PLXDC2: variants seen among roughly 807,000 people sequenced by gnomAD.
The protein encoded by PLXDC2 is plexin domain-containing protein 2.
A neutral mutation model predicts 68.9 loss-of-function variants in PLXDC2; 40 were observed. The ratio of observed to expected loss-of-function variants is 0.58; its 90% CI spans 0.45 to 0.76. The LOEUF is 0.76. Among genes scored for constraint, PLXDC2 ranks in the 30% least tolerant of loss-of-function variants. The probability of loss-of-function intolerance (pLI) is 0.00; values close to 1 mark genes in which losing one functional copy is unlikely to be tolerated. For missense variants in PLXDC2, 644 were observed against 661.9 expected, an observed-to-expected ratio of 0.97 and a Z score of 0.30; for synonymous variants, 243 against 234.2, an observed-to-expected ratio of 1.04 and a Z score of -0.34.
At chr10:20,098,045 T>C (rs1315173617) in intron 4 of PLXDC2, among the ~76,000 whole-genome samples, 2 of 151,462 alleles carry the variant, frequency 1.3e-5, no homozygotes, top group African/African-American at 4.8e-5. Flanking sequence ...ATATAAAATA[T>C]TACTCTCCTA....
intron 1 of PLXDC2, among the ~76,000 whole-genome samples, chr10:19,892,947 T>A (rs1477053468): frequency 1.3e-5 from 2 of 151,700 alleles, no homozygotes; most frequent in African/African-American, 4.9e-5. Flanking sequence ...TTGCCACTGT[T>A]ACAATTTGCC....
chr10:20,262,500 CCA>C lies in PLXDC2; in HGVS notation c.1473+16996_1473+16997del, dbSNP rs543566537. Reference sequence around the variant, plus strand: ...GTATATACCTCCCTCCAGGCAGCCTCCAGGCTGCCATCTTTGGCACTTTAGCC... The same window carrying C: ...GTATATACCTCCCTCCAGGCAGCCTCGGCTGCCATCTTTGGCACTTTAGCC... On this transcript the variant is annotated intron_variant, in intron 13 of 13. Coordinates refer to ENST00000377252, the MANE Select transcript of PLXDC2 (RefSeq NM_032812.9). Among the ~76,000 whole-genome samples, 9 of 152,308 alleles carry C rather than the reference CCA, an allele frequency of 5.9e-5. 1 individual carries two copies. The South Asian group carries it at 1.9e-3, about 32-fold the overall frequency.
chr10:19,914,840 C>A (rs555239942), intron 1 of PLXDC2, among the ~76,000 whole-genome samples: 2 of 152,126 alleles, frequency 1.3e-5, no homozygotes, highest in Non-Finnish European at 2.9e-5. Flanking sequence ...GATGGATTGA[C>A]AGTTTTATCA....
At chr10:19,822,096 ATCT>A (rs750958192) in intron 1 of PLXDC2, among the ~76,000 whole-genome samples, 4 of 151,606 alleles carry the variant, frequency 2.6e-5, no homozygotes, top group Non-Finnish European at 4.4e-5. Flanking sequence ...AAATAGCAAG[ATCT>A]TCTTTTTTAA....
At chr10:20,122,691 G>A (rs1289184510) in intron 4 of PLXDC2, among the ~76,000 whole-genome samples, 1 of 152,330 alleles carries the variant, frequency 6.6e-6, no homozygotes, top group Admixed American at 6.5e-5. Context: ...GGAAGTTCTT[G>A]TGTGCTGGAG....
chr10:20,122,864 A>G (rs1481698150), intron 4 of PLXDC2, among the ~76,000 whole-genome samples: 1 of 152,218 alleles, frequency 6.6e-6, no homozygotes, highest in Non-Finnish European at 1.5e-5. Context: ...GGGTAATAAA[A>G]TGCATTTTGA....
intron 1 of PLXDC2, among the ~76,000 whole-genome samples, chr10:19,971,241 G>A (rs1321946572): frequency 6.6e-6 from 1 of 152,190 alleles, no homozygotes; most frequent in Non-Finnish European, 1.5e-5. Flanking sequence ...TCTTGAGAAT[G>A]AGAGGAGTGA....
At chr10:20,013,317 A>C (rs1269315449) in intron 2 of PLXDC2, among the ~76,000 whole-genome samples, 3 of 152,194 alleles carry the variant, frequency 2.0e-5, no homozygotes, top group African/African-American at 7.2e-5. Flanking sequence ...ATATTGTTTA[A>C]ATTTTTAAAA....
intron 12 of PLXDC2, among the ~76,000 whole-genome samples, chr10:20,223,315 T>TTC (rs1335767474): frequency 3.4e-4 from 48 of 140,670 alleles, no homozygotes; most frequent in Admixed American, 1.5e-3. Flanking sequence ...GAATTGAATT[T>TTC]TTTTTTTTTT....
chr10:19,843,428 C>A (rs1836943423), intron 1 of PLXDC2, among the ~76,000 whole-genome samples: 1 of 151,790 alleles, frequency 6.6e-6, no homozygotes, highest in Non-Finnish European at 1.5e-5. Flanking sequence ...ATAAGGACAC[C>A]ATCCACGGGT....
chr10:19,944,101 A>G (rs1833862526), intron 1 of PLXDC2, among the ~76,000 whole-genome samples: 1 of 152,234 alleles, frequency 6.6e-6, no homozygotes, highest in Non-Finnish European at 1.5e-5. Context: ...TGTTCTCATG[A>G]ACCTGAAATC....
intron 12 of PLXDC2, among the ~76,000 whole-genome samples, chr10:20,228,466 G>A (rs1485149219): frequency 6.6e-6 from 1 of 152,060 alleles, no homozygotes; most frequent in Non-Finnish European, 1.5e-5. Context: ...GGAGGCTGAG[G>A]TGGGAGGATT....
chr10:20,217,392 CTCCAT>C, intron 10 of PLXDC2, 29 bp from the exon 11 acceptor site: 1 of 1,582,212 alleles, frequency 6.3e-7, no homozygotes, highest in Non-Finnish European at 8.6e-7. Context: ...TTTGTGATCA[CTCCAT>C]TTGTTTTCCT....
intron 1 of PLXDC2, among the ~76,000 whole-genome samples, chr10:19,900,507 C>T (rs1200876203): frequency 6.6e-6 from 1 of 152,102 alleles, no homozygotes; most frequent in African/African-American, 2.4e-5. Context: ...AGTATTTCTT[C>T]AGGATGAAGT....
chr10:20,050,525 G>T (rs192967818), intron 3 of PLXDC2, among the ~76,000 whole-genome samples: 191 of 150,498 alleles, frequency 1.3e-3, no homozygotes, highest in African/African-American at 4.4e-3. Flanking sequence ...AGAAAAAAAC[G>T]CATTAAAAAG....
At chr10:20,079,794 A>C (rs548363196) in intron 4 of PLXDC2, among the ~76,000 whole-genome samples, 1 of 152,220 alleles carries the variant, frequency 6.6e-6, no homozygotes, top group East Asian at 1.9e-4. Context: ...GGGGTAGGGG[A>C]CAAGGGGAGG....
chr10:20,253,589 A>G (rs1020842342), intron 13 of PLXDC2, among the ~76,000 whole-genome samples: 4 of 151,958 alleles, frequency 2.6e-5, no homozygotes, highest in Non-Finnish European at 5.9e-5. Flanking sequence ...AGTACTTTGT[A>G]TTTTCTATCA....
At chr10:20,276,897 AT>A (rs1381731614) in intron 13 of PLXDC2, among the ~76,000 whole-genome samples, 2 of 152,082 alleles carry the variant, frequency 1.3e-5, no homozygotes, top group African/African-American at 4.8e-5. Context: ...CTATTATGGC[AT>A]AGATGTTAAG....
intron 1 of PLXDC2, among the ~76,000 whole-genome samples, chr10:19,974,093 A>T (rs1834407301): frequency 6.6e-6 from 1 of 152,234 alleles, no homozygotes; most frequent in Non-Finnish European, 1.5e-5. Context: ...AGAGCCTAAA[A>T]GGGTGGAAAG....
Sources: allele counts gnomAD v4.1 joint callset (sites outside exome capture counted in the v4.1 genomes callset), GRCh38; gene constraint gnomAD v4.1.1; transcripts MANE v1.5; gene names NCBI Gene and HGNC (gene_info 2026-07-23, HGNC 2026-07-21).